The following RNGTT variants were observed in gnomAD, a reference collection of about 807,000 sequenced individuals.
RNGTT encodes mRNA-capping enzyme.
A neutral mutation model predicts 79.3 loss-of-function variants in RNGTT; 33 were observed. That is an observed-to-expected ratio of 0.42 (90% confidence interval 0.32 to 0.56). The LOEUF (loss-of-function observed/expected upper bound fraction) is 0.56. Among genes scored for constraint, RNGTT ranks in the 20% least tolerant of loss-of-function variants. The pLI, the probability that RNGTT is intolerant of heterozygous loss-of-function variation, is 0.17. For synonymous variants in RNGTT, 222 were observed against 235.9 expected (o/e 0.94, Z 0.54); for missense variants, 497 against 739.1 (o/e 0.67, Z 3.80).
intron 13 of RNGTT, among the ~76,000 whole-genome samples, chr6:88,717,251 T>TA (rs1776550536): frequency 1.3e-5 from 2 of 152,234 alleles, no homozygotes; most frequent in Non-Finnish European, 2.9e-5. Flanking sequence ...TAATACTTTT[T>TA]ATCTTTCCTC....
At chr6:88,870,677 C>T (rs1782325753) in intron 8 of RNGTT, among the ~76,000 whole-genome samples, 1 of 152,072 alleles carries the variant, frequency 6.6e-6, no homozygotes, top group African/African-American at 2.4e-5. Flanking sequence ...CAAAATGGCA[C>T]TTTAAGGTCA....
chr6:88,617,021 C>T (rs1772253780), intron 14 of RNGTT, among the ~76,000 whole-genome samples: 1 of 152,176 alleles, frequency 6.6e-6, no homozygotes, highest in Admixed American at 6.5e-5. Context: ...GCCTGTAATC[C>T]CAGCACTTTG....
chr6:88,904,706 A>G lies in RNGTT; in HGVS notation c.684+9T>C. ...AAAAAAAACCTATTATAATATTTTTAAACATTACCAGTTTTAACCGTTCTT... is the reference window on the plus strand; with the variant it reads ...AAAAAAAACCTATTATAATATTTTTGAACATTACCAGTTTTAACCGTTCTT... On this transcript the variant is annotated intron_variant, in intron 6 of 15. Coordinates refer to ENST00000369485, the MANE Select transcript of RNGTT (RefSeq NM_003800.5). The G allele has an allele frequency of 6.3e-7, 1 of 1,593,716 alleles. No homozygotes were observed. The highest frequency in any genetic ancestry group is 8.5e-7 in the Non-Finnish European group (1 of 1,173,956).
At chr6:88,840,263 C>T (rs1025756171) in intron 11 of RNGTT, among the ~76,000 whole-genome samples, 4 of 152,110 alleles carry the variant, frequency 2.6e-5, no homozygotes, top group Non-Finnish European at 4.4e-5. Flanking sequence ...GCCAATTCTG[C>T]TATAAAGTGT....
chr6:88,660,973 A>T (rs569835701), intron 14 of RNGTT, among the ~76,000 whole-genome samples: 1 of 152,332 alleles, frequency 6.6e-6, no homozygotes, highest in South Asian at 2.1e-4. Flanking sequence ...GTACTTTCTC[A>T]GACCACAGTG....
chr6:88,934,932 A>G (rs1417744671), intron 2 of RNGTT, among the ~76,000 whole-genome samples: 3 of 152,198 alleles, frequency 2.0e-5, no homozygotes, highest in African/African-American at 7.2e-5. Context: ...TTCCAGTTTC[A>G]TATCATCCCA....
chr6:88,809,251 G>T (rs1780058083), intron 11 of RNGTT, among the ~76,000 whole-genome samples: 1 of 151,778 alleles, frequency 6.6e-6, no homozygotes, highest in Admixed American at 6.6e-5. Flanking sequence ...TGACAAAATA[G>T]ATAAGAAAAA....
chr6:88,762,485 AC>A (rs1204287974), intron 13 of RNGTT, among the ~76,000 whole-genome samples: 1 of 152,202 alleles, frequency 6.6e-6, no homozygotes, highest in East Asian at 1.9e-4. Flanking sequence ...CTTTAACGAA[AC>A]CAATCAATGT....
At chr6:88,841,232 G>T in intron 11 of RNGTT, among the ~76,000 whole-genome samples, 1 of 152,224 alleles carries the variant, frequency 6.6e-6, no homozygotes, top group Non-Finnish European at 1.5e-5. Context: ...GTGAACAGTC[G>T]AAAGATCATA....
chr6:88,666,126 G>A lies in RNGTT; in HGVS notation c.1506+12227C>T, dbSNP rs527686840. ...AACCTCTGGTACCAAGTTACAAAGG[G>A]GGGTGACATGGAACCATTTGAATGG... is the stretch of plus-strand genomic sequence containing the variant. On this transcript the variant is annotated intron_variant, in intron 14 of 15. Transcript: ENST00000369485. Among the ~76,000 whole-genome samples the A allele has an allele frequency of 1.8e-4, 28 of 152,268 alleles. No homozygotes were observed. The South Asian group carries it at 5.0e-3, about 27-fold the overall frequency.
intron 13 of RNGTT, among the ~76,000 whole-genome samples, chr6:88,703,739 C>A (rs1196489586): frequency 1.3e-5 from 2 of 152,066 alleles, no homozygotes; most frequent in African/African-American, 4.8e-5. Flanking sequence ...ATGAGTAATG[C>A]CACAATTCTT....
chr6:88,702,597 T>A (rs187850472), intron 13 of RNGTT, among the ~76,000 whole-genome samples: 69 of 152,186 alleles, frequency 4.5e-4, no homozygotes, highest in African/African-American at 1.6e-3. Flanking sequence ...GACCTCAAAC[T>A]ATAAGAATCC....
chr6:88,695,397 T>C (rs1245474016), intron 13 of RNGTT, among the ~76,000 whole-genome samples: 1 of 152,122 alleles, frequency 6.6e-6, no homozygotes, highest in Non-Finnish European at 1.5e-5. Context: ...GGCCAACAGG[T>C]ATATGAAAAA....
At chr6:88,800,684 T>C (rs1227177057) in intron 12 of RNGTT, among the ~76,000 whole-genome samples, 3 of 152,214 alleles carry the variant, frequency 2.0e-5, no homozygotes, top group South Asian at 2.1e-4. Flanking sequence ...TTCTACTCAA[T>C]AGGTGTGGGG....
intron 12 of RNGTT, among the ~76,000 whole-genome samples, chr6:88,790,937 A>T (rs1779385899): frequency 6.6e-6 from 1 of 152,184 alleles, no homozygotes; most frequent in Non-Finnish European, 1.5e-5. Context: ...TACACTGGGT[A>T]TTAAGGTCTA....
intron 13 of RNGTT, among the ~76,000 whole-genome samples, chr6:88,767,190 A>G (rs1021950166): frequency 6.6e-6 from 1 of 152,162 alleles, no homozygotes. Flanking sequence ...TGTAAATTGC[A>G]TATTCCTATC....
At chr6:88,678,806 T>C (rs1213676475) in intron 13 of RNGTT, among the ~76,000 whole-genome samples, 3 of 152,090 alleles carry the variant, frequency 2.0e-5, no homozygotes, top group Non-Finnish European at 4.4e-5. Flanking sequence ...ATAATAATAA[T>C]GATCAGTAAA....
At chr6:88,624,484 G>A (rs1582246394) in intron 14 of RNGTT, among the ~76,000 whole-genome samples, 1 of 151,994 alleles carries the variant, frequency 6.6e-6, no homozygotes, top group African/African-American at 2.4e-5. Flanking sequence ...ATGAAGAAAT[G>A]ATAGTCTTTT....
chr6:88,648,740 C>T (rs914987150), intron 14 of RNGTT, among the ~76,000 whole-genome samples: 1 of 152,192 alleles, frequency 6.6e-6, no homozygotes, highest in Non-Finnish European at 1.5e-5. Context: ...TTCTTGCTTC[C>T]TTTGTGAATC....
Sources: allele counts gnomAD v4.1 joint callset (sites outside exome capture counted in the v4.1 genomes callset), GRCh38; gene constraint gnomAD v4.1.1; transcripts MANE v1.5; gene names NCBI Gene and HGNC (gene_info 2026-07-23, HGNC 2026-07-21).